Variants in CNTN4 observed in about 807,000 individuals in gnomAD.
The protein encoded by CNTN4 is contactin-4.
A neutral mutation model predicts 122.5 loss-of-function variants in CNTN4; 77 were observed. The ratio of observed to expected loss-of-function variants is 0.63; its 90% CI spans 0.52 to 0.76. The LOEUF (loss-of-function observed/expected upper bound fraction) is 0.76, where lower values mean the gene tolerates loss of function less well. CNTN4 is among the 30% of genes least tolerant of loss of function. The pLI is 0.00. For synonymous variants in CNTN4, 512 were observed against 447.0 expected, an observed-to-expected ratio of 1.15 and a Z score of -1.83; for missense variants, 1,256 against 1,259.1, an observed-to-expected ratio of 1.00 and a Z score of 0.04.
At chr3:2,467,366 A>C (rs2075541100) in intron 3 of CNTN4, among the ~76,000 whole-genome samples, 5 of 152,178 alleles carry the variant, frequency 3.3e-5, no homozygotes. Flanking sequence ...GCCCTTGGAC[A>C]GTTATTAACT....
At chr3:2,668,619 C>T (rs1192671585) in intron 4 of CNTN4, among the ~76,000 whole-genome samples, 1 of 152,180 alleles carries the variant, frequency 6.6e-6, no homozygotes, top group South Asian at 2.1e-4. Context: ...GCCAGAACTT[C>T]CAACACTATG....
intron 4 of CNTN4, among the ~76,000 whole-genome samples, chr3:2,655,204 A>G (rs1179686440): frequency 1.3e-5 from 2 of 152,180 alleles, no homozygotes; most frequent in African/African-American, 2.4e-5. Flanking sequence ...TAAGGAGCCT[A>G]TGTTGCCTTT....
chr3:2,527,409 A>ATGCTGCTGCTGCTGC (rs34099392), intron 3 of CNTN4, among the ~76,000 whole-genome samples: 7,333 of 143,652 alleles, frequency 0.051, no homozygotes, highest in Non-Finnish European at 0.068. Flanking sequence ...GGAACAATGT[A>ATGCTGCTGCTGCTGC]TGCTGCTGCT....
At chr3:2,338,116 A>T (rs1281322927) in intron 2 of CNTN4, among the ~76,000 whole-genome samples, 1 of 152,074 alleles carries the variant, frequency 6.6e-6, no homozygotes. Context: ...CATTTATGAA[A>T]TTGTATTTGT....
At position 2,662,740 on chromosome 3, in the gene CNTN4, A is replaced by G. The variant is rs1010921026; in HGVS notation, c.56-73475A>G. On this transcript the variant is annotated intron_variant, in intron 4 of 24. Coordinates refer to ENST00000418658, the MANE Select transcript of CNTN4 (RefSeq NM_175607.3). ...ATAAAGGAAGGGCAATCATGGCACT[A>G]TTGACACCCTACGAAAAGTATGATA... Among the ~76,000 whole-genome samples the G allele has an allele frequency of 4.6e-5, 7 of 152,306 alleles. 1 individual carries two copies. The highest frequency in any genetic ancestry group is 3.9e-4 in the East Asian group (2 of 5,190).
intron 2 of CNTN4, among the ~76,000 whole-genome samples, chr3:2,185,934 AT>A (rs1298694639): frequency 6.6e-6 from 1 of 151,322 alleles, no homozygotes; most frequent in Non-Finnish European, 1.5e-5. Context: ...TCTTTTTTTA[AT>A]TTTTTATTAT....
intron 2 of CNTN4, among the ~76,000 whole-genome samples, chr3:2,221,074 T>G (rs923435690): frequency 6.6e-6 from 1 of 151,994 alleles, no homozygotes; most frequent in African/African-American, 2.4e-5. Flanking sequence ...GCCTGCAGAG[T>G]TTTGATGAAA....
At chr3:2,271,875 A>T (rs112474017) in intron 2 of CNTN4, among the ~76,000 whole-genome samples, 1 of 152,158 alleles carries the variant, frequency 6.6e-6, no homozygotes. Flanking sequence ...ATTACTTTCT[A>T]TATCAGAATT....
chr3:2,103,942 G>C (rs964149675), intron 2 of CNTN4, among the ~76,000 whole-genome samples: 4 of 152,118 alleles, frequency 2.6e-5, no homozygotes. Context: ...GTGGTCAATA[G>C]TAAGCGTATA....
chr3:2,467,654 A>G (rs181069154), intron 3 of CNTN4, among the ~76,000 whole-genome samples: 1 of 152,336 alleles, frequency 6.6e-6, no homozygotes, highest in East Asian at 1.9e-4. Flanking sequence ...CCCTATAAAC[A>G]GTAGTTATGC....
chr3:2,981,126 T>C, intron 13 of CNTN4, among the ~76,000 whole-genome samples: 1 of 152,064 alleles, frequency 6.6e-6, no homozygotes, highest in East Asian at 1.9e-4. Flanking sequence ...GAAAAGAAAA[T>C]GATTTAGGGG....
intron 3 of CNTN4, among the ~76,000 whole-genome samples, chr3:2,382,970 G>A (rs1396716282): frequency 3.3e-5 from 5 of 152,022 alleles, no homozygotes; most frequent in African/African-American, 7.2e-5. Context: ...AGCTACTGGG[G>A]AGGCTGAGGC....
At chr3:2,912,942 A>G (rs2094316977) in intron 12 of CNTN4, among the ~76,000 whole-genome samples, 1 of 152,238 alleles carries the variant, frequency 6.6e-6, no homozygotes. Context: ...ACTTGAGGCC[A>G]GGAGTTTGAG....
chr3:2,427,391 T>C (rs1575605884), intron 3 of CNTN4, among the ~76,000 whole-genome samples: 1 of 152,156 alleles, frequency 6.6e-6, no homozygotes, highest in Non-Finnish European at 1.5e-5. Context: ...TTTGAGTGAG[T>C]TTCTTAATCC....
chr3:2,287,282 C>G (rs2041935203), intron 2 of CNTN4, among the ~76,000 whole-genome samples: 1 of 152,012 alleles, frequency 6.6e-6, no homozygotes, highest in Non-Finnish European at 1.5e-5. Flanking sequence ...CATTTTAAAA[C>G]TGAACATTTG....
chr3:2,687,898 G>T (rs768262238), intron 4 of CNTN4, among the ~76,000 whole-genome samples: 4 of 152,088 alleles, frequency 2.6e-5, no homozygotes, highest in Non-Finnish European at 5.9e-5. Flanking sequence ...AACTCAGAGA[G>T]GCCTTGTTCA....
intron 2 of CNTN4, among the ~76,000 whole-genome samples, chr3:2,106,535 T>C (rs577713693): frequency 1.3e-5 from 2 of 152,332 alleles, no homozygotes; most frequent in Admixed American, 1.3e-4. Flanking sequence ...GCTTGAGCTA[T>C]ACCTTGGCCC....
At chr3:2,108,056 G>A (rs1305117087) in intron 2 of CNTN4, among the ~76,000 whole-genome samples, 1 of 152,004 alleles carries the variant, frequency 6.6e-6, no homozygotes, top group East Asian at 1.9e-4. Flanking sequence ...GTCCCTCCTG[G>A]ATGATGCTTT....
chr3:2,215,404 T>C (rs993392574), intron 2 of CNTN4, among the ~76,000 whole-genome samples: 3 of 152,190 alleles, frequency 2.0e-5, no homozygotes, highest in Non-Finnish European at 2.9e-5. Context: ...TAAGCTTCTT[T>C]TTGGGAAACC....
Sources: gnomAD v4.1 joint callset for allele counts (sites outside exome capture counted in the v4.1 genomes callset) on GRCh38, gnomAD v4.1.1 for gene constraint, MANE v1.5 for transcripts, NCBI Gene and HGNC (gene_info 2026-07-23, HGNC 2026-07-21) for gene names.